Variants in CSMD2 observed in about 807,000 individuals in gnomAD.
CSMD2 encodes CUB and Sushi multiple domains 2, also known as CUB and sushi domain-containing protein 2.
In CSMD2, 130 loss-of-function variants were observed where a neutral mutation model predicts 398.5. That is an observed-to-expected ratio of 0.33 (90% CI 0.28 to 0.38). The LOEUF (loss-of-function observed/expected upper bound fraction) is 0.38. Ranked by LOEUF, CSMD2 falls within the 10% of genes least tolerant of loss-of-function variation. The pLI is 1.00. For synonymous variants in CSMD2, 1,828 were observed against 1,908.5 expected (o/e 0.96, Z 1.10); for missense variants, 3,829 against 4,764.9 (o/e 0.80, Z 5.78).
chr1:33,641,540 C>T (rs1643107917), intron 29 of CSMD2, among the ~76,000 whole-genome samples: 1 of 152,146 alleles, frequency 6.6e-6, no homozygotes, highest in South Asian at 2.1e-4. Context: ...TTCCTTTTAG[C>T]AAAGGGTAAA....
chr1:34,157,981 T>C, intron 1 of CSMD2, among the ~76,000 whole-genome samples: 1 of 152,048 alleles, frequency 6.6e-6, no homozygotes, highest in East Asian at 1.9e-4. Flanking sequence ...CTCCCAAAGC[T>C]CTAAGAACTA....
chr1:33,842,558 T>C (rs1660960583), intron 6 of CSMD2, among the ~76,000 whole-genome samples: 3 of 152,076 alleles, frequency 2.0e-5, no homozygotes, highest in South Asian at 4.2e-4. Context: ...TGGCAAACTT[T>C]TTCTGTAAAG....
intron 1 of CSMD2, among the ~76,000 whole-genome samples, chr1:34,119,606 A>G (rs1301541738): frequency 1.3e-5 from 2 of 152,228 alleles, no homozygotes; most frequent in Non-Finnish European, 2.9e-5. Context: ...AAAATGAGCA[A>G]AGGACTTTAA....
Position 33,625,098 on chromosome 1 carries a change from A to G in CSMD2, c.5453T>C (p.Val1818Ala). 6.2e-7 allele frequency: 1 copy of G among 1,613,996 alleles called. No individual in the cohort carries two copies. The highest frequency in any genetic ancestry group is 8.5e-7 in the Non-Finnish European group (1 of 1,179,980). Residue 1818 changes from valine (V) to alanine (A), a missense_variant, in exon 34 of 71, where the codon GTG (valine) becomes GCG (alanine). Physicochemically the swap from Val to Ala is moderately conservative, Grantham distance 64. Transcript: ENST00000373381. The part of the protein sequence containing the change: ...QGSPEIECLP[V>A]PGALAQWNVS... ...ATTCCATTGGGCCAAGGCCCCAGGC[A>G]CAGGGAGGCACTCGATCTCTGGCGA...
chr1:33,686,642 G>T (rs1645069867), intron 25 of CSMD2, among the ~76,000 whole-genome samples: 1 of 152,180 alleles, frequency 6.6e-6, no homozygotes, highest in Non-Finnish European at 1.5e-5. Context: ...GACCATCCTT[G>T]CCCAGCTTGC....
chr1:34,004,674 G>A (rs1647004518), intron 3 of CSMD2, among the ~76,000 whole-genome samples: 1 of 152,160 alleles, frequency 6.6e-6, no homozygotes, highest in Admixed American at 6.5e-5. Context: ...TGGTTAGGGT[G>A]TAGGAGGGGA....
intron 10 of CSMD2, among the ~76,000 whole-genome samples, chr1:33,799,672 C>A (rs1408512798): frequency 6.6e-6 from 1 of 152,128 alleles, no homozygotes; most frequent in Non-Finnish European, 1.5e-5. Context: ...TTTCTCCTTG[C>A]TTTTCCTGGA....
Position 33,600,857 on chromosome 1 carries a change from A to C in CSMD2, c.6856+8T>G. On this transcript the variant is annotated splice_region_variant and intron_variant, in intron 44 of 70. Transcript: ENST00000373381. ...GCCCTTCCCACCAGGCCAGGCTTCC[A>C]TACTGACCGGAGAAAGCTATGGCGA... is the stretch of plus-strand genomic sequence containing the variant. 1 of 1,614,120 alleles carries C rather than the reference A, an allele frequency of 6.2e-7. No individual in the cohort carries two copies. The highest frequency in any genetic ancestry group is 8.5e-7 in the Non-Finnish European group (1 of 1,180,008).
chr1:34,138,512 A>T (rs1247605690), intron 1 of CSMD2, among the ~76,000 whole-genome samples: 1 of 152,188 alleles, frequency 6.6e-6, no homozygotes, highest in African/African-American at 2.4e-5. Context: ...TTCAATTAAG[A>T]TTCTGATGTA....
At chr1:33,958,617 G>A (rs76714380) in intron 3 of CSMD2, among the ~76,000 whole-genome samples, 2,617 of 152,326 alleles carry the variant, frequency 0.017, 33 homozygotes, top group Middle Eastern at 0.027. Context: ...ACTTGAAGCA[G>A]TAGAGACTTT....
chr1:33,577,518 C>T (rs752091606), intron 48 of CSMD2, 34 bp from the exon 49 acceptor site: 7 of 1,571,524 alleles, frequency 4.5e-6, no homozygotes, highest in Non-Finnish European at 6.1e-6. Context: ...GGAACTGGCA[C>T]CAGCAGGAAG....
At chr1:33,708,591 C>CTTATTATTATTA (rs59695412) in intron 22 of CSMD2, among the ~76,000 whole-genome samples, 48,847 of 140,836 alleles carry the variant, frequency 0.35, 9,161 homozygotes, top group Middle Eastern at 0.5. Context: ...TCCAACCGAA[C>CTTATTATTATTA]TTATTATTAT....
At chr1:33,781,505 T>A (rs1233545732) in intron 12 of CSMD2, among the ~76,000 whole-genome samples, 5 of 152,190 alleles carry the variant, frequency 3.3e-5, no homozygotes, top group Non-Finnish European at 7.3e-5. Context: ...AACAAACAGA[T>A]GAGCTCATTT....
intron 57 of CSMD2, among the ~76,000 whole-genome samples, chr1:33,543,285 A>G (rs1425953912): frequency 6.6e-6 from 1 of 152,236 alleles, no homozygotes; most frequent in Non-Finnish European, 1.5e-5. Context: ...TTTGGTTGAC[A>G]CGTCTCTAAG....
chr1:34,093,774 A>G (rs1389218087), intron 1 of CSMD2, among the ~76,000 whole-genome samples: 1 of 152,070 alleles, frequency 6.6e-6, no homozygotes, highest in Non-Finnish European at 1.5e-5. Context: ...GACCAAATCT[A>G]CGTCCGATTG....
chr1:34,087,345 A>G (rs1343054243), intron 2 of CSMD2, among the ~76,000 whole-genome samples: 2 of 152,020 alleles, frequency 1.3e-5, no homozygotes, highest in Non-Finnish European at 2.9e-5. Context: ...GCTGGAAACC[A>G]TCATCCTCAG....
chr1:33,960,006 C>T (rs546425853), intron 3 of CSMD2, among the ~76,000 whole-genome samples: 14 of 152,184 alleles, frequency 9.2e-5, no homozygotes, highest in East Asian at 3.9e-4. Context: ...ACTTGACTTT[C>T]GGCCCCTTTC....
chr1:33,963,942 G>T (rs1558168920), intron 3 of CSMD2, among the ~76,000 whole-genome samples: 1 of 152,220 alleles, frequency 6.6e-6, no homozygotes, highest in Non-Finnish European at 1.5e-5. Flanking sequence ...GAATGGCTGT[G>T]TCAGATGGCA....
At chr1:34,047,327 A>G (rs1202538164) in intron 2 of CSMD2, among the ~76,000 whole-genome samples, 1 of 152,100 alleles carries the variant, frequency 6.6e-6, no homozygotes, top group Non-Finnish European at 1.5e-5. Context: ...CTTCCCCCAG[A>G]TGTGTATGGC....
Sources: gnomAD v4.1 joint callset for allele counts (sites outside exome capture counted in the v4.1 genomes callset) on GRCh38, gnomAD v4.1.1 for gene constraint, MANE v1.5 for transcripts, NCBI Gene and HGNC (gene_info 2026-07-23, HGNC 2026-07-21) for gene names.